The following RBM11 variants were observed in gnomAD, a reference collection of about 807,000 sequenced individuals.
RBM11 encodes RNA binding motif protein 11, also known as splicing regulator RBM11.
A neutral mutation model predicts 21.4 loss-of-function variants in RBM11; 18 were observed. That is an observed-to-expected ratio of 0.84 (90% CI 0.58 to 1.25). The LOEUF (loss-of-function observed/expected upper bound fraction) is 1.25, where lower values mean the gene tolerates loss of function less well. Ranked by LOEUF, RBM11 falls within the 50% of genes most tolerant of loss-of-function variation. The probability of loss-of-function intolerance (pLI) is 0.00; values close to 1 mark genes in which losing one functional copy is unlikely to be tolerated. For synonymous variants in RBM11, 120 were observed against 116.3 expected, an observed-to-expected ratio of 1.03 and a Z score of -0.20; for missense variants, 294 against 331.9, an observed-to-expected ratio of 0.89 and a Z score of 0.89.
At position 14,219,640 on chromosome 21, in the gene RBM11, A is replaced by G. The variant is rs748803370; in HGVS notation, c.174A>G (p.Lys58=). The change falls in exon 2 of 5, where the codon AAA becomes AAG. Residue 58 remains lysine (K), a synonymous_variant. Coordinates refer to ENST00000400577, the MANE Select transcript of RBM11 (RefSeq NM_144770.5). ...KPKSFGFVCF[K]HPESVSYAIA... The stretch of plus-strand genomic sequence containing the variant: ...AGTCTTTTGGATTTGTCTGCTTTAA[A>G]CACCCAGAATCGGTGTCTTATGCCA... 2 of 1,607,880 alleles carry G rather than the reference A, an allele frequency of 1.2e-6. No individual in the cohort carries two copies. The highest frequency in any genetic ancestry group is 2.2e-5 in the East Asian group (1 of 44,790).
At chr21:14,224,266 G>A (rs568125978) in intron 3 of RBM11, 172 bp from the exon 4 acceptor site, 584 of 976,408 alleles carry the variant, frequency 6.0e-4, no homozygotes, top group Non-Finnish European at 7.4e-4. Flanking sequence ...GACTTTAACA[G>A]CTGAATTTTG....
chr21:14,222,503 C>G (rs1051240107), intron 3 of RBM11, among the ~76,000 whole-genome samples: 1 of 152,040 alleles, frequency 6.6e-6, no homozygotes, highest in Non-Finnish European at 1.5e-5. Context: ...GAGAGTGGCC[C>G]CTCGGGACTG....
At chr21:14,219,874 C>T (rs950730761) in intron 2 of RBM11, 149 bp downstream of exon 2, 9 of 531,396 alleles carry the variant, frequency 1.7e-5, no homozygotes, top group Admixed American at 7.5e-5. Flanking sequence ...TCTCAGAACA[C>T]GTGTCTAATT....
At chr21:14,218,653 T>C (rs889212759) in intron 1 of RBM11, among the ~76,000 whole-genome samples, 1 of 152,184 alleles carries the variant, frequency 6.6e-6, no homozygotes, top group African/African-American at 2.4e-5. Context: ...TTAATATTTT[T>C]CTTTAGAGTA....
intron 3 of RBM11, among the ~76,000 whole-genome samples, chr21:14,222,940 A>G (rs1485712490): frequency 6.6e-6 from 1 of 152,220 alleles, no homozygotes; most frequent in Non-Finnish European, 1.5e-5. Context: ...GTGTCGAGCC[A>G]TGTGTATAAT....
In RBM11 at chr21:14,226,891, GTA is replaced by G; in HGVS notation, c.447_448del (p.Tyr149Ter). On this transcript the variant is annotated frameshift_variant, in exon 5 of 5. Transcript: ENST00000400577. LOFTEE classifies it low-confidence loss of function (END_TRUNC). ...FLFQKMQWHV[Y>X]NPVLQLPYYE... ...TCTTGTTTTCACAGCAGTGGCATGT[GTA>G]TAATCCAGTGCTGCAGCTTCCTTAC... 1 of 1,612,214 alleles carries G rather than the reference GTA, an allele frequency of 6.2e-7. No homozygotes were observed. The highest frequency in any genetic ancestry group is 8.5e-7 in the Non-Finnish European group (1 of 1,178,950).
chr21:14,220,483 A>G (rs431238), intron 2 of RBM11, among the ~76,000 whole-genome samples: 36,158 of 152,106 alleles, frequency 0.24, 4,796 homozygotes, highest in African/African-American at 0.36. Flanking sequence ...AAAAGCAAAC[A>G]AATACTAATA....
chr21:14,220,310 A>C (rs533493694), intron 2 of RBM11, among the ~76,000 whole-genome samples: 1 of 152,140 alleles, frequency 6.6e-6, no homozygotes, highest in Non-Finnish European at 1.5e-5. Flanking sequence ...ATCATTCATG[A>C]TTAGCTGCCA....
chr21:14,226,821 A>G (rs4817028), intron 4 of RBM11, 59 bp from the exon 5 acceptor site: 229,122 of 1,544,602 alleles, frequency 0.15, 17,495 homozygotes, highest in Middle Eastern at 0.2. Flanking sequence ...GTAAACTGTT[A>G]ATTTTTTTTC....
In RBM11 at chr21:14,227,393, C is replaced by A. The variant is rs1349090189; in HGVS notation, c.*100C>A. ...ATAAACAATGTCATGGCTATCTTGT[C>A]TTTTGAAATATGTAGTAATAAGACT... On this transcript the variant is annotated 3_prime_UTR_variant, in exon 5 of 5. Transcript: ENST00000400577. The A allele has an allele frequency of 7.1e-6, 9 of 1,274,478 alleles. No individual in the cohort carries two copies. The East Asian group carries it at 1.7e-4, about 24-fold the overall frequency. 78.9% of individuals were successfully genotyped at this position (1,274,478 alleles called of 1,614,324 possible).
In RBM11 at chr21:14,218,712, A is replaced by C. The variant is rs144351407; in HGVS notation, c.97-851A>C. Among the ~76,000 whole-genome samples the C allele has an allele frequency of 1.0e-3, 156 of 152,330 alleles. 1 individual carries two copies. Among genetic ancestry groups the C allele is most frequent in the Admixed American group, 7.5e-3 (115 of 15,300 alleles). ...ACTCTACAGGGAAAAATAATCAGTT[A>C]TTAAAGTCTGAACCATTCAGCATTA... is the stretch of plus-strand genomic sequence containing the variant. On this transcript the variant is annotated intron_variant, in intron 1 of 4. Transcript: ENST00000400577.
chr21:14,221,915 T>C (rs913864892), intron 3 of RBM11, among the ~76,000 whole-genome samples: 4 of 152,210 alleles, frequency 2.6e-5, no homozygotes, highest in Non-Finnish European at 5.9e-5. Context: ...TGTTTCTCTC[T>C]GCTGTATCAG....
In RBM11 at chr21:14,219,573, T is replaced by C; in HGVS notation, c.107T>C (p.Leu36Pro). Residue 36 changes from leucine (L) to proline (P), a missense_variant, in exon 2 of 5, where the codon CTA becomes CCA. By Grantham distance (98) the Leu-to-Pro change is moderately conservative. Around this residue, in one of 2 missense-constraint regions of RBM11, gnomAD observed 181 missense variants for 164.6 expected, o/e 1.10. Transcript: ENST00000400577. ...LYELFLQAGP[L>P]TKVTICKDRE... ...TTAAGTTTCTTATAGGCGGGGCCAC[T>C]AACCAAAGTGACTATATGCAAAGAC... The C allele has an allele frequency of 6.6e-7, 1 of 1,520,240 alleles. No individual in the cohort carries two copies. The highest frequency in any genetic ancestry group is 1.4e-5 in the African/African-American group (1 of 72,786). The allele number at this position is 1,520,240 out of a possible 1,614,324, so 94.2% of individuals were successfully genotyped here. A position where few individuals can be genotyped will look rare whatever the true frequency, so the allele number is the denominator to read the frequency against.
At chr21:14,219,463 T>C (rs1978470290) in intron 1 of RBM11, 100 bp from the exon 2 acceptor site, 5 of 813,410 alleles carry the variant, frequency 6.1e-6, no homozygotes, top group Non-Finnish European at 9.2e-6. Flanking sequence ...TACATAAAGA[T>C]ATTGCTAACA....
chr21:14,226,764 T>C (rs1979123572), intron 4 of RBM11, 116 bp from the exon 5 acceptor site: 1 of 1,399,566 alleles, frequency 7.1e-7, no homozygotes, highest in African/African-American at 1.4e-5. Context: ...CTGTCTTTCT[T>C]ATACCAAAAC....
intron 3 of RBM11, among the ~76,000 whole-genome samples, chr21:14,221,708 C>T (rs1043954308): frequency 1.3e-5 from 2 of 152,160 alleles, no homozygotes; most frequent in Non-Finnish European, 2.9e-5. Context: ...CTCTGGCAGG[C>T]TATCCCAGAG....
chr21:14,221,393 G>A (rs761462957), intron 3 of RBM11: 4 of 397,290 alleles, frequency 1.0e-5, no homozygotes, highest in Non-Finnish European at 1.7e-5. Flanking sequence ...TATATTTGTA[G>A]TTTTTTATAG....
chr21:14,226,690 C>T (rs1309025630), intron 4 of RBM11, among the ~76,000 whole-genome samples, 190 bp from the exon 5 acceptor site: 2 of 151,600 alleles, frequency 1.3e-5, no homozygotes, highest in Admixed American at 6.6e-5. Context: ...GTGAGCTATA[C>T]ACAGCCTCAA....
chr21:14,216,944 C>T (rs961601816), intron 1 of RBM11, among the ~76,000 whole-genome samples: 2 of 152,186 alleles, frequency 1.3e-5, no homozygotes, highest in African/African-American at 4.8e-5. Context: ...AAGATACACT[C>T]ATTCAGCCAT....
Sources: allele counts gnomAD v4.1 joint callset (sites outside exome capture counted in the v4.1 genomes callset), GRCh38; gene constraint gnomAD v4.1.1; regional missense constraint gnomAD v4.1.1; transcripts MANE v1.5; gene names NCBI Gene and HGNC (gene_info 2026-07-23, HGNC 2026-07-21).